ANKRD12: variants seen among roughly 807,000 people sequenced by gnomAD.
The protein encoded by ANKRD12 is ankyrin repeat domain-containing protein 12.
Under a neutral mutation model 183.4 loss-of-function variants are expected in ANKRD12, and 85 were observed. The ratio of observed to expected loss-of-function variants is 0.46; its 90% confidence interval spans 0.39 to 0.56. The LOEUF (loss-of-function observed/expected upper bound fraction) is 0.56, where lower values mean the gene tolerates loss of function less well. Among genes scored for constraint, ANKRD12 ranks in the 20% least tolerant of loss-of-function variants. The pLI is 0.00. For missense variants in ANKRD12, 2,405 were observed against 2,357.1 expected, an observed-to-expected ratio of 1.02 and a Z score of -0.42; for synonymous variants, 914 against 800.2, an observed-to-expected ratio of 1.14 and a Z score of -2.40.
At chr18:9,247,938 C>T (rs1217709445) in intron 8 of ANKRD12, among the ~76,000 whole-genome samples, 1 of 152,120 alleles carries the variant, frequency 6.6e-6, no homozygotes, top group Non-Finnish European at 1.5e-5. Context: ...AGGCGCCCCC[C>T]ACCTCGCCTG....
rs554670275 is a variant in ANKRD12 at position 9,211,802 on chromosome 18, A to G, written c.652+18A>G. 1.1e-4 allele frequency: 172 copies of G among 1,588,796 alleles called. No homozygotes were observed. In the South Asian group the frequency reaches 1.7e-3, roughly 16 times the overall value. ...TTTTGCAGGTAAGACTAGTAATTCA[A>G]TACCTACTATTCAGGCACTAAAATT... is the stretch of plus-strand genomic sequence containing the variant. On this transcript the variant is annotated intron_variant, in intron 6 of 12. Transcript: ENST00000262126.
At chr18:9,265,905 C>T (rs979041838) in intron 10 of ANKRD12, among the ~76,000 whole-genome samples, 1 of 152,020 alleles carries the variant, frequency 6.6e-6, no homozygotes, top group Non-Finnish European at 1.5e-5. Flanking sequence ...ACTAGAATAA[C>T]CAATGCAGAG....
intron 8 of ANKRD12, among the ~76,000 whole-genome samples, chr18:9,238,044 G>A (rs575615614): frequency 3.5e-4 from 54 of 152,196 alleles, no homozygotes; most frequent in Non-Finnish European, 6.2e-4. Context: ...ACCCCTCAGT[G>A]GTATTTCAGT....
At chr18:9,233,949 C>T (rs2037197889) in intron 8 of ANKRD12, among the ~76,000 whole-genome samples, 1 of 152,126 alleles carries the variant, frequency 6.6e-6, no homozygotes, top group African/African-American at 2.4e-5. Context: ...GGCAGGTGAA[C>T]AGGTTCTCAG....
At chr18:9,274,600 G>T (rs962390620) in intron 10 of ANKRD12, among the ~76,000 whole-genome samples, 12 of 152,176 alleles carry the variant, frequency 7.9e-5, no homozygotes, top group Non-Finnish European at 1.5e-4. Flanking sequence ...TTTCTTTTTG[G>T]AGTGATGGAA....
intron 8 of ANKRD12, 145 bp from the exon 9 acceptor site, chr18:9,254,066 A>G (rs2038453287): frequency 2.0e-6 from 2 of 981,114 alleles, no homozygotes; most frequent in Non-Finnish European, 1.4e-6. Flanking sequence ...TTGCTATTAC[A>G]TTATTTCCAT....
chr18:9,148,774 G>GT (rs1055355688), intron 1 of ANKRD12, among the ~76,000 whole-genome samples: 3 of 152,092 alleles, frequency 2.0e-5, no homozygotes, highest in Non-Finnish European at 1.5e-5. Flanking sequence ...ATCTTCCAGA[G>GT]TTTCACCAAG....
chr18:9,278,324 A>G (rs2039951094), intron 11 of ANKRD12, among the ~76,000 whole-genome samples: 1 of 152,244 alleles, frequency 6.6e-6, no homozygotes, highest in Non-Finnish European at 1.5e-5. Flanking sequence ...AGAGGCTCAG[A>G]TCATCCATTA....
At chr18:9,268,144 A>G (rs180918171) in intron 10 of ANKRD12, among the ~76,000 whole-genome samples, 29 of 152,300 alleles carry the variant, frequency 1.9e-4, no homozygotes, top group African/African-American at 6.5e-4. Context: ...CCAACGAAAA[A>G]AAGTCCAGGA....
At chr18:9,214,198 C>G (rs1010343914) in intron 6 of ANKRD12, among the ~76,000 whole-genome samples, 1 of 151,896 alleles carries the variant, frequency 6.6e-6, no homozygotes. Context: ...ATAAAAGATA[C>G]CTACATACTA....
At chr18:9,210,699 C>G (rs1183391167) in intron 5 of ANKRD12, among the ~76,000 whole-genome samples, 1 of 114,144 alleles carries the variant, frequency 8.8e-6, no homozygotes, top group Non-Finnish European at 1.7e-5. Flanking sequence ...ACGCTCCAGC[C>G]TGGGCAACAG....
intron 8 of ANKRD12, among the ~76,000 whole-genome samples, chr18:9,225,693 TC>T (rs2036664731): frequency 6.6e-6 from 1 of 152,162 alleles, no homozygotes. Flanking sequence ...CTCAATACTT[TC>T]GAAATCCAAA....
intron 1 of ANKRD12, among the ~76,000 whole-genome samples, chr18:9,165,219 C>G (rs901362204): frequency 6.6e-6 from 1 of 152,044 alleles, no homozygotes; most frequent in Non-Finnish European, 1.5e-5. Context: ...GATTGCGACT[C>G]CTGCTTTTTT....
intron 1 of ANKRD12, among the ~76,000 whole-genome samples, chr18:9,167,317 G>A (rs1254787342): frequency 1.3e-4 from 20 of 152,094 alleles, no homozygotes; most frequent in African/African-American, 1.7e-4. Context: ...CAGTATGGCC[G>A]TTGTCATGAT....
Position 9,257,727 on chromosome 18 carries a change from C to T in ANKRD12, c.4460C>T (p.Pro1487Leu). 6.2e-7 allele frequency: 1 copy of T among 1,614,018 alleles called. No homozygotes were observed. The highest frequency in any genetic ancestry group is 1.3e-5 in the African/African-American group (1 of 75,026). The change falls in exon 9 of 13, where the codon CCT (proline) becomes CTT (leucine). Residue 1487 changes from proline to leucine, a missense_variant. Physicochemically the swap from Pro to Leu is moderately conservative, Grantham distance 98. Around this residue, in one of 7 missense-constraint regions of ANKRD12, gnomAD observed 1,983 missense variants for 1,725.9 expected, o/e 1.15. Coordinates refer to ENST00000262126, the MANE Select transcript of ANKRD12 (RefSeq NM_015208.5). ...GCTCAGGATCCGGCATCCTTTATGC[C>T]TCCACAGCAGCCTTGCTCTTTCCCC... ...SCAQDPASFM[P>L]PQQPCSFPSQ...
chr18:9,195,683 C>T lies in ANKRD12; in HGVS notation c.220C>T (p.Arg74Ter), dbSNP rs1365330076. ...TATTAGCCCATCAAGAAATGAAGAA[C>T]GAGATTCAGACACAGGTAGAATAAT... The part of the protein sequence containing the change: ...FTISPSRNEE[R>*]DSDTDSDPGH... Residue 74 changes from arginine to a stop codon, truncating the protein, a stop_gained, in exon 3 of 13, where the codon CGA becomes TGA. Transcript: ENST00000262126. LOFTEE classifies it high-confidence loss of function. The T allele has an allele frequency of 3.1e-6, 5 of 1,609,396 alleles. No homozygotes were observed. The highest frequency in any genetic ancestry group is 2.2e-5 in the South Asian group (2 of 90,508).
At chr18:9,210,614 G>A (rs1023747990) in intron 5 of ANKRD12, among the ~76,000 whole-genome samples, 2 of 151,036 alleles carry the variant, frequency 1.3e-5, no homozygotes, top group African/African-American at 2.4e-5. Flanking sequence ...CCAGCCACTC[G>A]GGAGGCTGAG....
chr18:9,186,945 G>T (rs1314334910), intron 2 of ANKRD12, among the ~76,000 whole-genome samples: 1 of 151,828 alleles, frequency 6.6e-6, no homozygotes, highest in Admixed American at 6.6e-5. Flanking sequence ...TAGAGACGGG[G>T]TTTCACCGTG....
intron 2 of ANKRD12, among the ~76,000 whole-genome samples, chr18:9,191,198 A>G (rs2034433899): frequency 6.6e-6 from 1 of 152,356 alleles, no homozygotes; most frequent in East Asian, 1.9e-4. Flanking sequence ...ATATTTTAAG[A>G]TAATAAACCT....
Sources: allele counts gnomAD v4.1 joint callset (sites outside exome capture counted in the v4.1 genomes callset), GRCh38; gene constraint gnomAD v4.1.1; regional missense constraint gnomAD v4.1.1; transcripts MANE v1.5; gene names NCBI Gene and HGNC (gene_info 2026-07-23, HGNC 2026-07-21).